Variants in EXOSC8 observed in about 807,000 individuals in gnomAD.
EXOSC8 encodes the protein exosome complex component RRP43.
A neutral mutation model predicts 39.9 loss-of-function variants in EXOSC8; 37 were observed. That is an observed-to-expected ratio of 0.93 (90% confidence interval 0.71 to 1.22). The LOEUF (loss-of-function observed/expected upper bound fraction) is 1.22, where lower values mean the gene tolerates loss of function less well. Ranked by LOEUF, EXOSC8 falls within the 50% of genes most tolerant of loss-of-function variation. The pLI is 0.00. For synonymous variants in EXOSC8, 93 were observed against 109.5 expected (o/e 0.85, Z 0.94); for missense variants, 313 against 326.6 (o/e 0.96, Z 0.32).
chr13:37,009,235 T>C lies in EXOSC8; in HGVS notation c.767T>C (p.Val256Ala), dbSNP rs1270596965. The change falls in exon 11 of 11, where the codon GTT becomes GCT. Residue 256 changes from valine (V) to alanine (A), a missense_variant. Physicochemically the swap from Val to Ala is moderately conservative, Grantham distance 64 (BLOSUM62 0). Transcript: ENST00000389704. ...CTTCAGGACTGTATGAGCCGAGCAG[T>C]TACAAGACACAAAGAAGTTAAAAAA... Reference protein sequence around the residue: ...AKLQDCMSRAVTRHKEVKKLM... With the variant: ...AKLQDCMSRAATRHKEVKKLM... 1 of 1,613,818 alleles carries C rather than the reference T, an allele frequency of 6.2e-7. No individual in the cohort carries two copies.
rs1007337116 is a variant in EXOSC8 at position 37,009,537 on chromosome 13, T to G, written c.*238T>G. The G allele has an allele frequency of 8.1e-6, 9 of 1,104,926 alleles. No homozygotes were observed. The highest frequency in any genetic ancestry group is 2.3e-4 in the Middle Eastern group (1 of 4,278). The allele number at this position is 1,104,926 out of a possible 1,614,324, so 68.4% of individuals were successfully genotyped here. On this transcript the variant is annotated 3_prime_UTR_variant, in exon 11 of 11. Coordinates refer to ENST00000389704, the MANE Select transcript of EXOSC8 (RefSeq NM_181503.3). ...TGTTTTTATTTAAAAATGATAAGGT[T>G]GTGCTTCTGTATAAAGTTTGTACAT...
intron 4 of EXOSC8, 192 bp downstream of exon 4, chr13:37,003,199 C>A: frequency 2.0e-6 from 1 of 488,942 alleles, no homozygotes; most frequent in Non-Finnish European, 3.6e-6. Context: ...GAACAATTGT[C>A]AAATGTAGCA....
At position 37,003,453 on chromosome 13, in the gene EXOSC8, A is replaced by G. The variant is rs750226836; in HGVS notation, c.192+446A>G. On this transcript the variant is annotated intron_variant, in intron 4 of 10. Transcript: ENST00000389704. ...TACAGAATTATCCACTTTAATGCCTATAACAATCATTTGTTACTTGTCTTC... is the reference window on the plus strand; with the variant it reads ...TACAGAATTATCCACTTTAATGCCTGTAACAATCATTTGTTACTTGTCTTC... 18 of 156,758 alleles carry G rather than the reference A, an allele frequency of 1.1e-4. No individual in the cohort carries two copies. The South Asian group carries it at 1.5e-3, about 13-fold the overall frequency. The allele number at this position is 156,758 out of a possible 1,614,324, so 9.7% of individuals were successfully genotyped here. A position where few individuals can be genotyped will look rare whatever the true frequency, so the allele number is the denominator to read the frequency against.
Position 37,003,006 on chromosome 13 carries a change from C to T in EXOSC8, c.191C>T (p.Ala64Val), listed in dbSNP as rs1463421565. 3.2e-6 allele frequency: 5 copies of T among 1,574,062 alleles called. No homozygotes were observed. In the African/African-American group the frequency reaches 6.7e-5, roughly 21 times the overall value. The stretch of plus-strand genomic sequence containing the variant: ...ACTACAGTAATCTGTGGAGTTAAAG[C>T]AGTAAGTCTAAATATGTCCTATTGA... ...GNTTVICGVK[A>V]EFAAPSTDAP... Residue 64 changes from alanine to valine, a missense_variant and splice_region_variant, in exon 4 of 11, where the codon GCA becomes GTA. Physicochemically the swap from Ala to Val is moderately conservative, Grantham distance 64. Coordinates refer to ENST00000389704, the MANE Select transcript of EXOSC8 (RefSeq NM_181503.3).
At position 37,008,771 on chromosome 13, in the gene EXOSC8, G is replaced by A; in HGVS notation, c.651G>A (p.Leu217=). 1 of 1,613,526 alleles carries A rather than the reference G, an allele frequency of 6.2e-7. No individual in the cohort carries two copies. The highest frequency in any genetic ancestry group is 8.5e-7 in the Non-Finnish European group (1 of 1,179,574). Residue 217 remains leucine, a synonymous_variant, in exon 10 of 11, where the codon CTG becomes CTA. Coordinates refer to ENST00000389704, the MANE Select transcript of EXOSC8 (RefSeq NM_181503.3). ...IVDPTGEEEH[L]ATGTLTIVMD... is the part of the protein sequence containing the mutation. Reference sequence around the variant, plus strand: ...ACCCTACTGGAGAGGAGGAACATCTGGCAACAGGAACCTTAACAATAGTAA... The same window carrying A: ...ACCCTACTGGAGAGGAGGAACATCTAGCAACAGGAACCTTAACAATAGTAA...
Position 37,002,942 on chromosome 13 carries a change from A to T in EXOSC8, c.127A>T (p.Ser43Cys). The change falls in exon 4 of 11, where the codon AGT (serine) becomes TGT (cysteine). Residue 43 changes from serine (S) to cysteine (C), a missense_variant. Ser to Cys is a moderately radical substitution (Grantham distance 112). Coordinates refer to ENST00000389704, the MANE Select transcript of EXOSC8 (RefSeq NM_181503.3). ...TTTGCTTATCTTTTCAGGTTCAATT[A>T]GTACCGCAGATGGTTCTGCTTTAGT... Reference protein sequence around the residue: ...RTTTVNIGSISTADGSALVKL... With the variant: ...RTTTVNIGSICTADGSALVKL... 6.2e-7 allele frequency: 1 copy of T among 1,607,656 alleles called. No homozygotes were observed. The highest frequency in any genetic ancestry group is 8.5e-7 in the Non-Finnish European group (1 of 1,174,568).
chr13:37,006,249 C>A, intron 7 of EXOSC8, 89 bp downstream of exon 7: 1 of 819,764 alleles, frequency 1.2e-6, no homozygotes, highest in Non-Finnish European at 2.0e-6. Context: ...ATTAAAACCA[C>A]CAATCAAAGT....
At chr13:37,004,325 T>C (rs2059124828) in intron 4 of EXOSC8, 191 bp from the exon 5 acceptor site, 4 of 478,046 alleles carry the variant, frequency 8.4e-6, no homozygotes, top group Non-Finnish European at 1.5e-5. Context: ...AGCACTGTAG[T>C]GTAGTCCACT....
chr13:37,006,829 A>T, intron 7 of EXOSC8, 146 bp from the exon 8 acceptor site: 1 of 575,188 alleles, frequency 1.7e-6, no homozygotes, highest in South Asian at 2.3e-5. Flanking sequence ...AACTTTAAAA[A>T]GGTGAAGCAT....
intron 8 of EXOSC8, among the ~76,000 whole-genome samples, chr13:37,007,313 G>T (rs2059145814): frequency 2.0e-5 from 3 of 152,194 alleles, no homozygotes; most frequent in Admixed American, 2.0e-4. Context: ...TGTTAATATT[G>T]GTGGGAGAAG....
chr13:37,008,621 G>A lies in EXOSC8; in HGVS notation c.609-108G>A, dbSNP rs541216430. ...AACACAAAAATTAGCTGGGTGTGAT[G>A]GCGTGTGCCTGTTAATTCCAGCTAC... On this transcript the variant is annotated intron_variant, in intron 9 of 10. Coordinates refer to ENST00000389704, the MANE Select transcript of EXOSC8 (RefSeq NM_181503.3). 5 of 696,162 alleles carry A rather than the reference G, an allele frequency of 7.2e-6. No homozygotes were observed. In the East Asian group the frequency reaches 1.4e-4, roughly 19 times the overall value. The allele number at this position is 696,162 out of a possible 1,614,324, so 43.1% of individuals were successfully genotyped here.
chr13:37,008,077 A>G lies in EXOSC8; in HGVS notation c.508A>G (p.Ile170Val), dbSNP rs763330676. 34 of 1,596,540 alleles carry G rather than the reference A, an allele frequency of 2.1e-5. No individual in the cohort carries two copies. The highest frequency in any genetic ancestry group is 3.4e-5 in the Admixed American group (2 of 58,172). The change falls in exon 9 of 11, where the codon ATA becomes GTA. Residue 170 changes from isoleucine (I) to valine (V), a missense_variant. Physicochemically the swap from Ile to Val is conservative, Grantham distance 29. Coordinates refer to ENST00000389704, the MANE Select transcript of EXOSC8 (RefSeq NM_181503.3). ...CTTAGTACAGTTGCCTGAAGTTACTATAAATGAAGAAACTGCTTTAGCAGA... is the reference window on the plus strand; with the variant it reads ...CTTAGTACAGTTGCCTGAAGTTACTGTAAATGAAGAAACTGCTTTAGCAGA... ...LKNVQLPEVTINEETALAEVN... is the reference protein window; with the variant it reads ...LKNVQLPEVTVNEETALAEVN...
At position 37,008,846 on chromosome 13, in the gene EXOSC8, G is replaced by A. The variant is rs773726206; in HGVS notation, c.715+11G>A. On this transcript the variant is annotated intron_variant, in intron 10 of 10. Transcript: ENST00000389704. ...GTCTTCACAAACCAGGCATGTTCCCGCCACTTCAGTCCTAAACATATGTAG... is the reference window on the plus strand; with the variant it reads ...GTCTTCACAAACCAGGCATGTTCCCACCACTTCAGTCCTAAACATATGTAG... 2.4e-5 allele frequency: 37 copies of A among 1,528,158 alleles called. No individual in the cohort carries two copies. Among genetic ancestry groups the A allele is most frequent in the African/African-American group, 4.1e-5 (3 of 73,008 alleles). 94.7% of individuals were successfully genotyped at this position (1,528,158 alleles called of 1,614,324 possible).
chr13:37,008,689 G>A, intron 9 of EXOSC8, 40 bp from the exon 10 acceptor site: 2 of 1,294,176 alleles, frequency 1.5e-6, no homozygotes, highest in Non-Finnish European at 2.2e-6. Flanking sequence ...AGTAAAATTT[G>A]TTCCATGGAT....
chr13:37,008,748 C>T lies in EXOSC8; in HGVS notation c.628C>T (p.Pro210Ser). ...TTATAGCACTTTGCTTATAGTTGAC[C>T]CTACTGGAGAGGAGGAACATCTGGC... ...VFDDTLLIVDPTGEEEHLATG... is the reference protein window; with the variant it reads ...VFDDTLLIVDSTGEEEHLATG... The change falls in exon 10 of 11, where the codon CCT becomes TCT. Residue 210 changes from proline (P) to serine (S), a missense_variant. Transcript: ENST00000389704. 1 of 1,610,558 alleles carries T rather than the reference C, an allele frequency of 6.2e-7. No individual in the cohort carries two copies. Among genetic ancestry groups the T allele is most frequent in the Non-Finnish European group, 8.5e-7 (1 of 1,177,200 alleles).
At chr13:37,002,836 C>T (rs902721274) in intron 3 of EXOSC8, 98 bp from the exon 4 acceptor site, 3 of 812,878 alleles carry the variant, frequency 3.7e-6, no homozygotes, top group African/African-American at 3.4e-5. Context: ...GCAAGATAAT[C>T]GTACACAGCA....
chr13:37,001,455 T>A (rs1042332557), intron 1 of EXOSC8: 2 of 152,136 alleles, frequency 1.3e-5, no homozygotes, highest in African/African-American at 4.8e-5. Context: ...ACCGCCTGCT[T>A]CTCCCTCTCC....
intron 3 of EXOSC8, 149 bp from the exon 4 acceptor site, chr13:37,002,785 T>A (rs892787202): frequency 1.5e-6 from 1 of 676,456 alleles, no homozygotes; most frequent in African/African-American, 1.8e-5. Context: ...TAAAAATCAA[T>A]TATTCTAACT....
At chr13:37,004,860 A>G (rs1566074692) in intron 5 of EXOSC8, among the ~76,000 whole-genome samples, 1 of 152,184 alleles carries the variant, frequency 6.6e-6, no homozygotes. Flanking sequence ...TCACACCTAT[A>G]ATACCAGGAT....
Sources: gnomAD v4.1 joint callset for allele counts (sites outside exome capture counted in the v4.1 genomes callset) on GRCh38, gnomAD v4.1.1 for gene constraint, MANE v1.5 for transcripts, NCBI Gene and HGNC (gene_info 2026-07-23, HGNC 2026-07-21) for gene names.